Variants in SLC37A3 observed in about 807,000 individuals in gnomAD.
The protein encoded by SLC37A3 is sugar phosphate exchanger 3.
Under a neutral mutation model 67.1 loss-of-function variants are expected in SLC37A3, and 51 were observed. The ratio of observed to expected loss-of-function variants is 0.76; its 90% CI spans 0.61 to 0.96. The LOEUF (loss-of-function observed/expected upper bound fraction) is 0.96. Ranked by LOEUF, SLC37A3 falls within the 40% of genes least tolerant of loss-of-function variation. The probability of loss-of-function intolerance (pLI) is 0.00; values close to 1 mark genes in which losing one functional copy is unlikely to be tolerated. For missense variants in SLC37A3, 508 were observed against 603.0 expected, an observed-to-expected ratio of 0.84 and a Z score of 1.65; for synonymous variants, 214 against 231.4, an observed-to-expected ratio of 0.92 and a Z score of 0.68.
At chr7:140,396,806 T>C (rs1360509413) in intron 1 of SLC37A3, among the ~76,000 whole-genome samples, 4 of 151,792 alleles carry the variant, frequency 2.6e-5, no homozygotes, top group Admixed American at 2.6e-4. Context: ...AGAAGAATGG[T>C]GTCATTCAAG....
intron 7 of SLC37A3, among the ~76,000 whole-genome samples, chr7:140,353,211 G>A (rs995741712): frequency 3.3e-5 from 5 of 151,972 alleles, no homozygotes; most frequent in African/African-American, 4.8e-5. Context: ...AGCTGGGCAC[G>A]GTGGCTCATA....
At chr7:140,387,502 C>G (rs1041228860) in intron 1 of SLC37A3, among the ~76,000 whole-genome samples, 2 of 149,274 alleles carry the variant, frequency 1.3e-5, no homozygotes, top group South Asian at 4.2e-4. Flanking sequence ...GTAATCCCAG[C>G]TACTCGGGAG....
chr7:140,356,026 C>T (rs1585286631), intron 6 of SLC37A3, among the ~76,000 whole-genome samples: 1 of 151,976 alleles, frequency 6.6e-6, no homozygotes, highest in African/African-American at 2.4e-5. Flanking sequence ...GAAACCCCAT[C>T]TCTACTAAAA....
At chr7:140,355,793 G>C (rs1468941928) in intron 6 of SLC37A3, 29 bp from the exon 7 acceptor site, 1 of 1,590,862 alleles carries the variant, frequency 6.3e-7, no homozygotes, top group Admixed American at 1.7e-5. Flanking sequence ...GGAGACAAAG[G>C]GCCATGGTCA....
chr7:140,362,907 G>C (rs1402689710), intron 5 of SLC37A3, among the ~76,000 whole-genome samples: 4 of 64,384 alleles, frequency 6.2e-5, no homozygotes, highest in Non-Finnish European at 6.8e-5. Flanking sequence ...GAGGCGGGGG[G>C]GGGGGTCGGC....
intron 5 of SLC37A3, among the ~76,000 whole-genome samples, chr7:140,360,299 C>T (rs1797213861): frequency 1.3e-5 from 2 of 152,048 alleles, no homozygotes; most frequent in South Asian, 4.1e-4. Flanking sequence ...GATCACACCG[C>T]TGCACTCCAG....
chr7:140,395,379 T>TAAAAAA (rs35674101), intron 1 of SLC37A3, among the ~76,000 whole-genome samples: 13 of 77,776 alleles, frequency 1.7e-4, no homozygotes, highest in Admixed American at 3.8e-4. Flanking sequence ...CATCTCAAAT[T>TAAAAAA]AAAAAAAAAA....
intron 6 of SLC37A3, among the ~76,000 whole-genome samples, chr7:140,358,371 T>C (rs1352235834): frequency 4.6e-5 from 7 of 152,080 alleles, no homozygotes. Context: ...AAATAAAAAA[T>C]TGAGACCTCC....
chr7:140,366,516 A>G (rs990036009), intron 4 of SLC37A3, among the ~76,000 whole-genome samples: 6 of 152,122 alleles, frequency 3.9e-5, no homozygotes, highest in African/African-American at 1.2e-4. Context: ...TTTTCATGGC[A>G]TTGATCCTTT....
At chr7:140,364,535 A>G (rs763267128) in intron 4 of SLC37A3, 44 bp from the exon 5 acceptor site, 3 of 1,559,040 alleles carry the variant, frequency 1.9e-6, no homozygotes, top group Non-Finnish European at 1.8e-6. Flanking sequence ...ATAATAACAC[A>G]GTATGAAAAA....
At chr7:140,385,479 C>A (rs1457216472) in intron 1 of SLC37A3, among the ~76,000 whole-genome samples, 1 of 152,134 alleles carries the variant, frequency 6.6e-6, no homozygotes, top group Non-Finnish European at 1.5e-5. Flanking sequence ...TGGACACCTT[C>A]CCACCTCAAA....
rs775333555 is a variant in SLC37A3, at chr7:140,335,284, A to G, written c.*128T>C. ...CTGGTCAGCATCTCAGGTGGCTGGC[A>G]GTGTTGAGAGACGCCTGACAATCCA... On this transcript the variant is annotated 3_prime_UTR_variant, in exon 15 of 15. Coordinates refer to ENST00000326232, the MANE Select transcript of SLC37A3 (RefSeq NM_207113.3). 16 of 1,613,996 alleles carry G rather than the reference A, an allele frequency of 9.9e-6. No homozygotes were observed. Among genetic ancestry groups the G allele is most frequent in the Non-Finnish European group, 1.3e-5 (15 of 1,180,022 alleles).
At chr7:140,394,196 A>G (rs1798831533) in intron 1 of SLC37A3, among the ~76,000 whole-genome samples, 1 of 151,698 alleles carries the variant, frequency 6.6e-6, no homozygotes, top group Admixed American at 6.6e-5. Flanking sequence ...TTTTTGAATC[A>G]ATGAATTGGT....
chr7:140,358,327 G>T (rs774442690), intron 6 of SLC37A3, among the ~76,000 whole-genome samples: 5 of 152,136 alleles, frequency 3.3e-5, no homozygotes, highest in Admixed American at 3.3e-4. Context: ...GATAGTAAAT[G>T]AGATTTTTAT....
intron 5 of SLC37A3, among the ~76,000 whole-genome samples, chr7:140,360,177 A>T (rs185357532): frequency 6.6e-6 from 1 of 152,282 alleles, no homozygotes; most frequent in Non-Finnish European, 1.5e-5. Flanking sequence ...GTGAGACCCC[A>T]TGACTAAAAA....
Position 140,333,868 on chromosome 7 carries a change from A to T in SLC37A3, c.*1544T>A, listed in dbSNP as rs1796035884. 6.5e-6 allele frequency: 1 copy of T among 152,802 alleles called. No individual in the cohort carries two copies. 9.5% of individuals were successfully genotyped at this position (152,802 alleles called of 1,614,324 possible). On this transcript the variant is annotated 3_prime_UTR_variant, in exon 15 of 15. Transcript: ENST00000326232. ...ATGATTAAATAACATTAACAAGTTC[A>T]TAAACACACCCCATATCAGAGTATA...
chr7:140,373,667 CT>C (rs1173507312), intron 3 of SLC37A3, among the ~76,000 whole-genome samples: 1 of 124,330 alleles, frequency 8.0e-6, no homozygotes, highest in Non-Finnish European at 1.7e-5. Flanking sequence ...TCTCAAAGAA[CT>C]TTTTTTTTCT....
chr7:140,349,982 T>C (rs1299110326), intron 9 of SLC37A3, among the ~76,000 whole-genome samples: 1 of 152,328 alleles, frequency 6.6e-6, no homozygotes, highest in South Asian at 2.1e-4. Flanking sequence ...TGTGGAAAAT[T>C]ACATTTTAAT....
In SLC37A3 at chr7:140,334,634, C is replaced by T. The variant is rs894462347; in HGVS notation, c.*778G>A. 6.5e-6 allele frequency: 1 copy of T among 153,288 alleles called. No homozygotes were observed. Among genetic ancestry groups the T allele is most frequent in the Non-Finnish European group, 1.5e-5 (1 of 68,600 alleles). The allele number at this position is 153,288 out of a possible 1,614,324, so 9.5% of individuals were successfully genotyped here. A position where few individuals can be genotyped will look rare whatever the true frequency, so the allele number is the denominator to read the frequency against. On this transcript the variant is annotated 3_prime_UTR_variant, in exon 15 of 15. Transcript: ENST00000326232. ...GGAATGTTCAAGATAAATGATGTAC[C>T]TTATGGTCCTTTACACGTCAGAATG...
Sources: allele counts gnomAD v4.1 joint callset (sites outside exome capture counted in the v4.1 genomes callset), GRCh38; gene constraint gnomAD v4.1.1; transcripts MANE v1.5; gene names NCBI Gene and HGNC (gene_info 2026-07-23, HGNC 2026-07-21).